VPS26C: variants seen among roughly 807,000 people sequenced by gnomAD.
The protein encoded by VPS26C is VPS26 endosomal protein sorting factor C.
A neutral mutation model predicts 30.6 loss-of-function variants in VPS26C; 19 were observed. The ratio of observed to expected loss-of-function variants is 0.62; its 90% CI spans 0.43 to 0.91. The LOEUF (loss-of-function observed/expected upper bound fraction) is 0.91. VPS26C is among the 40% of genes least tolerant of loss of function. The pLI, the probability that VPS26C is intolerant of heterozygous loss-of-function variation, is 0.00. For synonymous variants in VPS26C, 132 were observed against 151.5 expected (o/e 0.87, Z 0.95); for missense variants, 318 against 385.1 (o/e 0.83, Z 1.46).
chr21:37,263,453 G>T (rs2086325759), intron 1 of VPS26C, among the ~76,000 whole-genome samples: 1 of 152,192 alleles, frequency 6.6e-6, no homozygotes, highest in South Asian at 2.1e-4. Flanking sequence ...AACTGGAACT[G>T]ATCTGAGTTG....
chr21:37,240,426 T>G, intron 2 of VPS26C, 70 bp downstream of exon 2: 1 of 1,570,336 alleles, frequency 6.4e-7, no homozygotes, highest in Non-Finnish European at 8.7e-7. Flanking sequence ...CGCCTGGCCC[T>G]GAGCCACTGC....
intron 5 of VPS26C, among the ~76,000 whole-genome samples, chr21:37,230,079 C>T (rs2085945898): frequency 6.6e-6 from 1 of 152,194 alleles, no homozygotes; most frequent in African/African-American, 2.4e-5. Flanking sequence ...GTTGCCCACG[C>T]TGGTCTTGAA....
At chr21:37,239,345 C>CA (rs2086059525) in intron 2 of VPS26C, among the ~76,000 whole-genome samples, 1 of 152,214 alleles carries the variant, frequency 6.6e-6, no homozygotes, top group Admixed American at 6.5e-5. Context: ...CTTTCTCTGT[C>CA]TTCACTCTTT....
At chr21:37,266,809 G>C (rs2148315815) in intron 1 of VPS26C, 1 of 205,530 alleles carries the variant, frequency 4.9e-6, no homozygotes, top group Middle Eastern at 1.8e-3. Context: ...TGCTTCCAAG[G>C]TTTGTTTTAG....
chr21:37,267,315 C>T lies in VPS26C; in HGVS notation c.-21G>A. 1 of 1,612,142 alleles carries T rather than the reference C, an allele frequency of 6.2e-7. No individual in the cohort carries two copies. On this transcript the variant is annotated 5_prime_UTR_variant, in exon 1 of 8. Transcript: ENST00000309117. Reference sequence around the variant, plus strand: ...CCCATCTCCAATTCTCCGCAGCAGCCGCCACTTCCGGCTGCGCGTGACCCC... The same window carrying T: ...CCCATCTCCAATTCTCCGCAGCAGCTGCCACTTCCGGCTGCGCGTGACCCC...
In VPS26C at chr21:37,227,667, G is replaced by A. The variant is rs1437296525; in HGVS notation, c.798C>T (p.Thr266=). Residue 266 remains threonine, a synonymous_variant, in exon 7 of 8, where the codon ACC becomes ACT. Transcript: ENST00000309117. ...RLFTCPTLET[T]NFKVEFEVNI... ...AGTGCCACTTACCCACTTTGAAGTT[G>A]GTGGTCTCCAGTGTAGGGCAGGTGA... 1 of 1,613,998 alleles carries A rather than the reference G, an allele frequency of 6.2e-7. No individual in the cohort carries two copies. Among genetic ancestry groups the A allele is most frequent in the South Asian group, 1.1e-5 (1 of 91,076 alleles).
In VPS26C at chr21:37,255,851, A is replaced by ATTTTTTTTTTTTTT. The variant is rs375877407; in HGVS notation, c.57+11373_57+11386dup. Among the ~76,000 whole-genome samples the ATTTTTTTTTTTTTT allele has an allele frequency of 3.3e-3, 353 of 108,432 alleles. 53 individuals carry two copies. The highest frequency in any genetic ancestry group is 0.015 in the African/African-American group (325 of 21,862). The allele number at this position is 108,432 out of a possible 152,430, so 71.1% of individuals were successfully genotyped here. On this transcript the variant is annotated intron_variant, in intron 1 of 7. Transcript: ENST00000309117. ...TTTAAAGCCTCATTCTATGCACTGC[A>ATTTTTTTTTTTTTT]TTTTTTTTTTTTTTTTTTTTTAGAT...
intron 3 of VPS26C, among the ~76,000 whole-genome samples, chr21:37,236,016 G>A (rs905086494): frequency 4.6e-5 from 7 of 151,618 alleles, no homozygotes; most frequent in African/African-American, 1.5e-4. Flanking sequence ...GGTGCATGCC[G>A]CTGCACCCAG....
rs2085887902 is a variant in VPS26C at position 37,225,366 on chromosome 21, G to A, written c.*178C>T. On this transcript the variant is annotated 3_prime_UTR_variant, in exon 8 of 8. Coordinates refer to ENST00000309117, the MANE Select transcript of VPS26C (RefSeq NM_006052.2). ...AAAGGTCTGATTAGAGGTGCCTGTT[G>A]GAAGCAGAAGCCTCAAGAAATGAGG... 1 of 614,584 alleles carries A rather than the reference G, an allele frequency of 1.6e-6. No individual in the cohort carries two copies. The highest frequency in any genetic ancestry group is 1.8e-5 in the African/African-American group (1 of 54,418). 38.1% of individuals were successfully genotyped at this position (614,584 alleles called of 1,614,324 possible).
intron 1 of VPS26C, among the ~76,000 whole-genome samples, chr21:37,254,473 CG>C: frequency 6.6e-6 from 1 of 151,810 alleles, no homozygotes; most frequent in East Asian, 1.9e-4. Context: ...CTCCAGCCTG[CG>C]TAACAGTGCA....
chr21:37,231,619 A>G (rs1403192649), intron 5 of VPS26C: 2 of 152,418 alleles, frequency 1.3e-5, no homozygotes, highest in Non-Finnish European at 2.9e-5. Context: ...ACAGCAGAAT[A>G]AAGAATTAGA....
chr21:37,248,347 A>T (rs78608273), intron 1 of VPS26C, among the ~76,000 whole-genome samples: 13 of 40,104 alleles, frequency 3.2e-4, no homozygotes, highest in Non-Finnish European at 5.3e-4. Flanking sequence ...GGGTGGGGGG[A>T]GGGGGGGAAC....
intron 1 of VPS26C, among the ~76,000 whole-genome samples, chr21:37,254,894 C>T (rs1278213654): frequency 1.3e-5 from 2 of 151,556 alleles, no homozygotes; most frequent in African/African-American, 2.4e-5. Context: ...CAGTACGGAA[C>T]AGGGTCTCTG....
At chr21:37,252,702 A>C (rs2086205560) in intron 1 of VPS26C, among the ~76,000 whole-genome samples, 1 of 152,222 alleles carries the variant, frequency 6.6e-6, no homozygotes, top group Non-Finnish European at 1.5e-5. Context: ...GAATAGATGA[A>C]CAAACTGTGA....
chr21:37,255,837 A>G (rs1347246338), intron 1 of VPS26C, among the ~76,000 whole-genome samples: 1 of 135,404 alleles, frequency 7.4e-6, no homozygotes. Flanking sequence ...TTAAAGCCTC[A>G]TTCTATGCAC....
chr21:37,260,817 T>C (rs1016115785), intron 1 of VPS26C, among the ~76,000 whole-genome samples: 2 of 152,198 alleles, frequency 1.3e-5, no homozygotes, highest in Non-Finnish European at 2.9e-5. Flanking sequence ...GTGGGTGCAA[T>C]GTGTAGCTCT....
chr21:37,249,909 G>C (rs1387745255), intron 1 of VPS26C, among the ~76,000 whole-genome samples: 4 of 152,184 alleles, frequency 2.6e-5, no homozygotes, highest in Admixed American at 2.6e-4. Flanking sequence ...AGACAGTATG[G>C]GAAGCTAATG....
chr21:37,247,127 T>C (rs541995033), intron 1 of VPS26C, among the ~76,000 whole-genome samples: 2 of 152,304 alleles, frequency 1.3e-5, no homozygotes, highest in East Asian at 1.9e-4. Flanking sequence ...TAGTTAAAAT[T>C]CAGGACCTTC....
rs1410018168 is a variant in VPS26C at position 37,240,501 on chromosome 21, C to T, written c.196G>A (p.Val66Ile). Residue 66 changes from valine (V) to isoleucine (I), a missense_variant, in exon 2 of 8, where the codon GTT (valine) becomes ATT (isoleucine). By Grantham distance (29) the Val-to-Ile change is conservative. Coordinates refer to ENST00000309117, the MANE Select transcript of VPS26C (RefSeq NM_006052.2). ...VGVFEAFYNS[V>I]KPIQIINSTI... is the part of the protein sequence containing the mutation. ...ATCTAAGCATTCTTTCTTACCTTAA[C>T]AGAATTATAAAAAGCTTCAAACACA... is the stretch of plus-strand genomic sequence containing the variant. The T allele has an allele frequency of 7.1e-5, 115 of 1,613,708 alleles. No individual in the cohort carries two copies. The highest frequency in any genetic ancestry group is 9.5e-5 in the Non-Finnish European group (112 of 1,179,960).
Sources: allele counts gnomAD v4.1 joint callset (sites outside exome capture counted in the v4.1 genomes callset), GRCh38; gene constraint gnomAD v4.1.1; transcripts MANE v1.5; gene names NCBI Gene and HGNC (gene_info 2026-07-23, HGNC 2026-07-21).